Variants in UTRN observed in about 807,000 individuals in gnomAD.
The protein encoded by UTRN is utrophin.
UTRN carries 283 observed loss-of-function variants against 463.9 expected under a neutral mutation model. The observed-to-expected ratio is 0.61, with a 90% CI of 0.55 to 0.67. The LOEUF (loss-of-function observed/expected upper bound fraction) is 0.67, where lower values mean the gene tolerates loss of function less well. Ranked by LOEUF, UTRN falls within the 30% of genes least tolerant of loss-of-function variation. The probability of loss-of-function intolerance (pLI) is 0.00; values close to 1 mark genes in which losing one functional copy is unlikely to be tolerated. For synonymous variants in UTRN, 1,442 were observed against 1,431.5 expected (o/e 1.01, Z -0.17); for missense variants, 3,922 against 4,084.3 (o/e 0.96, Z 1.08).
intron 21 of UTRN, 150 bp downstream of exon 21, chr6:144,459,504 C>A: frequency 1.3e-6 from 1 of 787,080 alleles, no homozygotes; most frequent in Non-Finnish European, 1.8e-6. Context: ...TTAAAGTCTT[C>A]TGTATTCAGA....
intron 51 of UTRN, among the ~76,000 whole-genome samples, chr6:144,621,125 C>G (rs1454398635): frequency 2.0e-5 from 3 of 152,070 alleles, no homozygotes; most frequent in Non-Finnish European, 4.4e-5. Flanking sequence ...GTGGTATTAC[C>G]TCTTAGGGTT....
At chr6:144,651,097 G>C (rs1442537344) in intron 51 of UTRN, among the ~76,000 whole-genome samples, 1 of 151,748 alleles carries the variant, frequency 6.6e-6, no homozygotes, top group Non-Finnish European at 1.5e-5. Context: ...TATTAGGTTT[G>C]TGCAAAAGTA....
At position 144,605,143 on chromosome 6, in the gene UTRN, C is replaced by A. The variant is rs555159026; in HGVS notation, c.7479+27855C>A. The stretch of plus-strand genomic sequence containing the variant: ...TCTTTGGAATGTCTTGGTCATTACC[C>A]CTTGGATCTTAGGCTAATGGTATCA... On this transcript the variant is annotated intron_variant, in intron 51 of 74. Coordinates refer to ENST00000367545, the MANE Select transcript of UTRN (RefSeq NM_007124.3). Among the ~76,000 whole-genome samples, 4 of 152,218 alleles carry A rather than the reference C, an allele frequency of 2.6e-5. No individual in the cohort carries two copies. The East Asian group carries it at 7.7e-4, about 29-fold the overall frequency.
chr6:144,305,154 T>C (rs1805607969), intron 2 of UTRN, among the ~76,000 whole-genome samples: 1 of 152,152 alleles, frequency 6.6e-6, no homozygotes, highest in South Asian at 2.1e-4. Flanking sequence ...AGGCTGGTAA[T>C]GTTTTGACGT....
intron 51 of UTRN, among the ~76,000 whole-genome samples, chr6:144,673,335 A>G (rs879835890): frequency 5.3e-5 from 8 of 151,984 alleles, no homozygotes; most frequent in Non-Finnish European, 7.4e-5. Flanking sequence ...AGTAGTAATT[A>G]TTTTATAAAT....
At chr6:144,827,697 C>G (rs1780309048) in intron 68 of UTRN, 21 bp downstream of exon 68, 3 of 1,610,780 alleles carry the variant, frequency 1.9e-6, no homozygotes, top group South Asian at 2.2e-5. Context: ...TTGATCAGAG[C>G]CCTCCACTGC....
intron 58 of UTRN, among the ~76,000 whole-genome samples, chr6:144,765,264 T>C (rs932504109): frequency 6.6e-6 from 1 of 152,226 alleles, no homozygotes; most frequent in Non-Finnish European, 1.5e-5. Context: ...ACAAATAAAC[T>C]TTGTCTTATT....
chr6:144,583,300 T>C (rs1305617478), intron 51 of UTRN: 5 of 422,854 alleles, frequency 1.2e-5, no homozygotes, highest in Non-Finnish European at 2.1e-5. Context: ...TTGTCTGTGT[T>C]TTTTAAATTG....
intron 62 of UTRN, 73 bp from the exon 63 acceptor site, chr6:144,793,761 A>T (rs1382007645): frequency 1.9e-6 from 3 of 1,547,510 alleles, no homozygotes; most frequent in Non-Finnish European, 2.6e-6. Context: ...TTCAGTCCAC[A>T]TTACCAAAGA....
At chr6:144,346,094 C>T (rs1429994635) in intron 2 of UTRN, among the ~76,000 whole-genome samples, 1 of 151,402 alleles carries the variant, frequency 6.6e-6, no homozygotes, top group Admixed American at 6.6e-5. Flanking sequence ...AGGAGAATCA[C>T]TTGAACCTGG....
intron 2 of UTRN, among the ~76,000 whole-genome samples, chr6:144,331,721 C>T (rs200985214): frequency 1.3e-5 from 2 of 152,210 alleles, no homozygotes; most frequent in East Asian, 1.9e-4. Context: ...CGTGGTAAGA[C>T]GTGTGCTCAT....
rs1787948929 is a variant in UTRN, at chr6:144,448,782, A to G, written c.2072+13A>G. The G allele has an allele frequency of 2.5e-6, 4 of 1,611,826 alleles. No individual in the cohort carries two copies. The highest frequency in any genetic ancestry group is 3.4e-6 in the Non-Finnish European group (4 of 1,179,028). On this transcript the variant is annotated intron_variant, in intron 17 of 74. Coordinates refer to ENST00000367545, the MANE Select transcript of UTRN (RefSeq NM_007124.3). ...AAGCTAAGAAAAAGTGAGAAGAGATAGAGAAATTGTTCAAATCCAATATTG... is the reference window on the plus strand; with the variant it reads ...AAGCTAAGAAAAAGTGAGAAGAGATGGAGAAATTGTTCAAATCCAATATTG...
rs1796153867 is a variant in UTRN, at chr6:144,522,060, T to C, written c.5622T>C (p.Val1874=). ...RSSLLPTDYL[V]EINKILLCMD... ...CACTTCTTCCTACAGATTATCTGGT[T>C]GAAATTAACAAAATTTTACTTTGCA... The change falls in exon 40 of 75, where the codon GTT becomes GTC. Residue 1874 remains valine (V), a synonymous_variant. Transcript: ENST00000367545. 6.3e-7 allele frequency: 1 copy of C among 1,598,034 alleles called. No individual in the cohort carries two copies. The highest frequency in any genetic ancestry group is 2.3e-5 in the East Asian group (1 of 43,130).
At chr6:144,409,738 G>A (rs750272088) in intron 3 of UTRN, among the ~76,000 whole-genome samples, 3 of 152,162 alleles carry the variant, frequency 2.0e-5, no homozygotes, top group Non-Finnish European at 4.4e-5. Flanking sequence ...CCATCCACCA[G>A]CCATGAGGGG....
chr6:144,482,441 A>T (rs995360235), intron 27 of UTRN, 53 bp downstream of exon 27: 8 of 1,113,908 alleles, frequency 7.2e-6, no homozygotes, highest in Admixed American at 4.3e-5. Flanking sequence ...TATTATTATT[A>T]TTTTCAGTGA....
chr6:144,682,299 C>T (rs1237310425), intron 52 of UTRN, among the ~76,000 whole-genome samples: 3 of 152,180 alleles, frequency 2.0e-5, no homozygotes, highest in African/African-American at 2.4e-5. Flanking sequence ...ATGATCTCCC[C>T]TTCCATCCAC....
At chr6:144,414,220 G>A (rs907304854) in intron 3 of UTRN, among the ~76,000 whole-genome samples, 1 of 152,142 alleles carries the variant, frequency 6.6e-6, no homozygotes. Context: ...GGAGATGACA[G>A]CTCCATGTAT....
At chr6:144,631,764 T>TAA (rs1003698732) in intron 51 of UTRN, among the ~76,000 whole-genome samples, 6 of 152,130 alleles carry the variant, frequency 3.9e-5, no homozygotes, top group African/African-American at 1.4e-4. Context: ...TTCCTTCTAT[T>TAA]AAAAAAAGTT....
At chr6:144,494,596 C>G (rs1322003795) in intron 33 of UTRN, among the ~76,000 whole-genome samples, 3 of 152,206 alleles carry the variant, frequency 2.0e-5, no homozygotes, top group Non-Finnish European at 4.4e-5. Flanking sequence ...CCACATCCTG[C>G]TGATTGGTAG....
Sources: gnomAD v4.1 joint callset for allele counts (sites outside exome capture counted in the v4.1 genomes callset) on GRCh38, gnomAD v4.1.1 for gene constraint, MANE v1.5 for transcripts, NCBI Gene and HGNC (gene_info 2026-07-23, HGNC 2026-07-21) for gene names.